Variants in MGAT5 observed in about 807,000 individuals in gnomAD.
The protein encoded by MGAT5 is alpha-1,6-mannosylglycoprotein 6-beta-N-acetylglucosaminyltransferase.
Under a neutral mutation model 94.3 loss-of-function variants are expected in MGAT5, and 30 were observed. The observed-to-expected ratio is 0.32, with a 90% CI of 0.24 to 0.43. The LOEUF (loss-of-function observed/expected upper bound fraction) is 0.43, where lower values mean the gene tolerates loss of function less well. Ranked by LOEUF, MGAT5 falls within the 20% of genes least tolerant of loss-of-function variation. MGAT5 has a pLI of 1.00. For missense variants in MGAT5, 691 were observed against 905.5 expected (o/e 0.76, Z 3.04); for synonymous variants, 310 against 322.9 (o/e 0.96, Z 0.43).
In MGAT5 at chr2:134,247,622, C is replaced by A. The variant is rs144275964; in HGVS notation, c.-142-6640C>A. Among the ~76,000 whole-genome samples the A allele has an allele frequency of 2.3e-3, 353 of 152,294 alleles. 1 individual carries two copies. Among genetic ancestry groups the A allele is most frequent in the African/African-American group, 7.1e-3 (295 of 41,564 alleles). On this transcript the variant is annotated intron_variant, in intron 1 of 16. Transcript: ENST00000409645. ...GTCAAATGAAACATTTGTGGAACCTCTGGAACATCTCTGTGAATGAATCTT... is the reference window on the plus strand; with the variant it reads ...GTCAAATGAAACATTTGTGGAACCTATGGAACATCTCTGTGAATGAATCTT...
chr2:134,449,156 A>G lies in MGAT5; in HGVS notation c.*309A>G, dbSNP rs1279491648. ...TGCTCCAGGGCAAAAGAAAGTCTCA[A>G]GAGTCCTTTAAAACAAAACAGGAGG... On this transcript the variant is annotated 3_prime_UTR_variant, in exon 16 of 16. Transcript: ENST00000281923. The G allele has an allele frequency of 5.6e-6, 2 of 359,560 alleles. No individual in the cohort carries two copies. The highest frequency in any genetic ancestry group is 5.2e-6 in the Non-Finnish European group (1 of 190,768). The allele number at this position is 359,560 out of a possible 1,614,324, so 22.3% of individuals were successfully genotyped here. A position where few individuals can be genotyped will look rare whatever the true frequency, so the allele number is the denominator to read the frequency against.
intron 7 of MGAT5, 134 bp downstream of exon 7, chr2:134,341,893 G>A (rs973975128): frequency 2.8e-6 from 2 of 707,552 alleles, no homozygotes; most frequent in Admixed American, 3.3e-5. Context: ...CAGGAGATAA[G>A]AAGATTATTT....
chr2:134,302,661 C>A (rs965131798), intron 2 of MGAT5, among the ~76,000 whole-genome samples: 1 of 150,748 alleles, frequency 6.6e-6, no homozygotes, highest in African/African-American at 2.4e-5. Flanking sequence ...TTTTCAAAGA[C>A]ATAAATATAG....
At chr2:134,207,180 G>C (rs1314922165) in intron 1 of MGAT5, among the ~76,000 whole-genome samples, 3 of 152,202 alleles carry the variant, frequency 2.0e-5, no homozygotes, top group African/African-American at 7.2e-5. Context: ...TTTAGATAGT[G>C]ATTCTTCTGC....
At position 134,130,332 on chromosome 2, in the gene MGAT5, C is replaced by T. The variant is rs1396885221; in HGVS notation, c.-143+10041C>T. Among the ~76,000 whole-genome samples, 71 of 151,778 alleles carry T rather than the reference C, an allele frequency of 4.7e-4. 2 individuals are homozygous for T. Among genetic ancestry groups the T allele is most frequent in the Admixed American group, 4.5e-3 (69 of 15,256 alleles). On this transcript the variant is annotated intron_variant, in intron 1 of 16. Transcript: ENST00000409645. Reference sequence around the variant, plus strand: ...TCCCCAGTAGCCCCAGCCTCCCCTACGGGCACCACCCCTTGCTCTGCTGCG... The same window carrying T: ...TCCCCAGTAGCCCCAGCCTCCCCTATGGGCACCACCCCTTGCTCTGCTGCG...
At position 134,342,944 on chromosome 2, in the gene MGAT5, G is replaced by T. The variant is rs142674551; in HGVS notation, c.977+1185G>T. On this transcript the variant is annotated intron_variant, in intron 7 of 15. Coordinates refer to ENST00000281923, the MANE Select transcript of MGAT5 (RefSeq NM_002410.5). Reference sequence around the variant, plus strand: ...TCTATTGGTGCTAATTGAGGTGTACGTGGATGCTAGAATGTAAGCACTGGG... The same window carrying T: ...TCTATTGGTGCTAATTGAGGTGTACTTGGATGCTAGAATGTAAGCACTGGG... Among the ~76,000 whole-genome samples, 28 of 152,260 alleles carry T rather than the reference G, an allele frequency of 1.8e-4. No individual in the cohort carries two copies. The East Asian group carries it at 4.1e-3, about 22-fold the overall frequency.
chr2:134,196,413 A>AC (rs1679496484), intron 1 of MGAT5, among the ~76,000 whole-genome samples: 1 of 152,050 alleles, frequency 6.6e-6, no homozygotes, highest in Admixed American at 6.6e-5. Context: ...AAAAAAAAAA[A>AC]AAACTATGGA....
intron 14 of MGAT5, among the ~76,000 whole-genome samples, chr2:134,433,042 A>C (rs530417349): frequency 6.6e-4 from 101 of 152,160 alleles, no homozygotes; most frequent in African/African-American, 2.4e-3. Context: ...GTTTTGCAGC[A>C]TTTCCGTCAC....
At chr2:134,333,285 G>C (rs897376043) in intron 4 of MGAT5, among the ~76,000 whole-genome samples, 7 of 151,786 alleles carry the variant, frequency 4.6e-5, no homozygotes, top group African/African-American at 1.7e-4. Flanking sequence ...TCCTTTGTAG[G>C]GACATGGATG....
Position 134,129,068 on chromosome 2 carries a change from C to T in MGAT5, c.-143+8777C>T, listed in dbSNP as rs140709922. Among the ~76,000 whole-genome samples the T allele has an allele frequency of 2.2e-4, 33 of 152,352 alleles. No individual in the cohort carries two copies. In the East Asian group the frequency reaches 5.2e-3, roughly 24 times the overall value. On this transcript the variant is annotated intron_variant, in intron 1 of 16. Transcript: ENST00000409645. ...CAAACTTAGCAGCTAAAGCCACACA[C>T]ATTTATTCTCTTTGAATTCTGTAGG...
chr2:134,417,138 A>G (rs1440067583), intron 12 of MGAT5, among the ~76,000 whole-genome samples: 1 of 152,082 alleles, frequency 6.6e-6, no homozygotes. Flanking sequence ...TACTTTGAGG[A>G]ATGTACCTAC....
chr2:134,130,167 G>T (rs1316296212), intron 1 of MGAT5, among the ~76,000 whole-genome samples: 6 of 150,754 alleles, frequency 4.0e-5, no homozygotes, highest in Non-Finnish European at 7.4e-5. Context: ...CCGCGGGGCA[G>T]GGCTGGGGAT....
chr2:134,128,876 G>A (rs1273427092), intron 1 of MGAT5, among the ~76,000 whole-genome samples: 2 of 152,194 alleles, frequency 1.3e-5, no homozygotes, highest in African/African-American at 4.8e-5. Context: ...GAGCCACCGT[G>A]TCTGGACAGC....
Position 134,218,738 on chromosome 2 carries a change from G to A in MGAT5, c.-142-35524G>A, listed in dbSNP as rs1680615456. Among the ~76,000 whole-genome samples, 2 of 152,138 alleles carry A rather than the reference G, an allele frequency of 1.3e-5. 1 individual carries two copies. Among genetic ancestry groups the A allele is most frequent in the South Asian group, 4.1e-4 (2 of 4,822 alleles). Reference sequence around the variant, plus strand: ...GTGCAAGACTAGCCCAGATTCAAAGGGTAAGGATATAGACTTGTTGATGGG... The same window carrying A: ...GTGCAAGACTAGCCCAGATTCAAAGAGTAAGGATATAGACTTGTTGATGGG... On this transcript the variant is annotated intron_variant, in intron 1 of 16. Transcript: ENST00000409645.
chr2:134,190,452 G>A (rs903775397), intron 1 of MGAT5, among the ~76,000 whole-genome samples: 2 of 152,078 alleles, frequency 1.3e-5, no homozygotes, highest in South Asian at 2.1e-4. Flanking sequence ...GAATGTTCCC[G>A]GGAGTATTTT....
intron 1 of MGAT5, among the ~76,000 whole-genome samples, chr2:134,255,565 A>G (rs1160299184): frequency 6.6e-6 from 1 of 151,998 alleles, no homozygotes; most frequent in African/African-American, 2.4e-5. Flanking sequence ...AAATACTTGG[A>G]AAAAAATTGC....
At chr2:134,162,945 T>C (rs1687805435) in intron 1 of MGAT5, among the ~76,000 whole-genome samples, 1 of 152,172 alleles carries the variant, frequency 6.6e-6, no homozygotes, top group South Asian at 2.1e-4. Flanking sequence ...AATAATGAAC[T>C]TAGGAGCATG....
At chr2:134,189,812 G>C (rs1195596066) in intron 1 of MGAT5, among the ~76,000 whole-genome samples, 2 of 151,780 alleles carry the variant, frequency 1.3e-5, no homozygotes, top group African/African-American at 4.8e-5. Flanking sequence ...ATGTTGGCCA[G>C]GATGGTCTCC....
chr2:134,348,087 C>T (rs1689024474), intron 8 of MGAT5, among the ~76,000 whole-genome samples: 1 of 152,188 alleles, frequency 6.6e-6, no homozygotes, highest in Admixed American at 6.5e-5. Context: ...TGGCTCAAAC[C>T]ACTTCCTTGT....
Sources: allele counts gnomAD v4.1 joint callset (sites outside exome capture counted in the v4.1 genomes callset), GRCh38; gene constraint gnomAD v4.1.1; transcripts MANE v1.5; gene names NCBI Gene and HGNC (gene_info 2026-07-23, HGNC 2026-07-21).